The following CLK3 variants were observed in gnomAD, a reference collection of about 807,000 sequenced individuals.
CLK3 encodes dual specificity protein kinase CLK3.
Under a neutral mutation model 65.2 loss-of-function variants are expected in CLK3, and 24 were observed. The observed-to-expected ratio is 0.37, with a 90% confidence interval of 0.27 to 0.52. CLK3 has a LOEUF of 0.52. Among genes scored for constraint, CLK3 ranks in the 20% least tolerant of loss-of-function variants. The probability of loss-of-function intolerance (pLI) is 0.92; values close to 1 mark genes in which losing one functional copy is unlikely to be tolerated. For synonymous variants in CLK3, 252 were observed against 240.8 expected, an observed-to-expected ratio of 1.05 and a Z score of -0.43; for missense variants, 506 against 660.0, an observed-to-expected ratio of 0.77 and a Z score of 2.56.
At chr15:74,609,672 G>A (rs1243548365) in intron 1 of CLK3, among the ~76,000 whole-genome samples, 1 of 152,234 alleles carries the variant, frequency 6.6e-6, no homozygotes, top group Non-Finnish European at 1.5e-5. Flanking sequence ...CTCAGCTGCT[G>A]GCATGGAGAC....
At chr15:74,628,265 G>A (rs760549380) in intron 10 of CLK3, among the ~76,000 whole-genome samples, 7 of 152,328 alleles carry the variant, frequency 4.6e-5, no homozygotes, top group Non-Finnish European at 1.0e-4. Flanking sequence ...CTTATGCTAG[G>A]CCATCGAGGA....
At position 74,625,797 on chromosome 15, in the gene CLK3, TC is replaced by T. The variant is rs1555449006; in HGVS notation, c.651-3del. On this transcript the variant is annotated splice_region_variant and splice_polypyrimidine_tract_variant and intron_variant, in intron 6 of 12. Transcript: ENST00000395066. ...GCCTGAGCCCTGCCCATCCTCCTCC[TC>T]CAGCCTGTGTGTCTTGATGTCTGAC... 1 of 1,613,290 alleles carries T rather than the reference TC, an allele frequency of 6.2e-7. No individual in the cohort carries two copies. The highest frequency in any genetic ancestry group is 1.3e-5 in the African/African-American group (1 of 74,582).
chr15:74,625,156 C>T (rs2062133651), intron 6 of CLK3, 138 bp downstream of exon 6: 3 of 671,756 alleles, frequency 4.5e-6, no homozygotes, highest in East Asian at 2.6e-5. Context: ...AAAGGTCTTG[C>T]TGGAAGCCTT....
In CLK3 at chr15:74,625,849, G is replaced by A; in HGVS notation, c.698G>A (p.Cys233Tyr). The A allele has an allele frequency of 6.2e-7, 1 of 1,614,146 alleles. No individual in the cohort carries two copies. Among genetic ancestry groups the A allele is most frequent in the African/African-American group, 1.3e-5 (1 of 75,008 alleles). Residue 233 changes from cysteine (C) to tyrosine (Y), a missense_variant, in exon 7 of 13, where the codon TGC (cysteine) becomes TAC (tyrosine). Coordinates refer to ENST00000395066, the MANE Select transcript of CLK3 (RefSeq NM_001130028.2). ...SDWFNFHGHMCIAFELLGKNT... is the reference protein window; with the variant it reads ...SDWFNFHGHMYIAFELLGKNT... ...TGGTTCAACTTCCACGGTCACATGT[G>A]CATCGCCTTTGAGCTCCTGGGCAAG...
rs1160304260 is a variant in CLK3 at position 74,627,133 on chromosome 15, T to C, written c.818-219T>C. The stretch of plus-strand genomic sequence containing the variant: ...TTTTTCGAATGGCAAATTTCTTTCC[T>C]ACCCCCCTGCTAAAGTATCAGAACC... On this transcript the variant is annotated intron_variant, in intron 7 of 12. Transcript: ENST00000395066. The surrounding 1 kb of genome is among the most constrained non-coding windows in gnomAD (Gnocchi z 4.3). 18 of 658,800 alleles carry C rather than the reference T, an allele frequency of 2.7e-5. No homozygotes were observed. The highest frequency in any genetic ancestry group is 4.8e-5 in the Non-Finnish European group (17 of 356,466). 40.8% of individuals were successfully genotyped at this position (658,800 alleles called of 1,614,324 possible).
In CLK3 at chr15:74,621,687, T is replaced by C. The variant is rs1365083498; in HGVS notation, c.370-433T>C. The C allele has an allele frequency of 3.1e-6, 1 of 326,444 alleles. No individual in the cohort carries two copies. Among genetic ancestry groups the C allele is most frequent in the Non-Finnish European group, 6.1e-6 (1 of 164,458 alleles). The allele number at this position is 326,444 out of a possible 1,614,324, so 20.2% of individuals were successfully genotyped here. A position where few individuals can be genotyped will look rare whatever the true frequency, so the allele number is the denominator to read the frequency against. ...CAGCTGCCTTCTTGCGCCGCCGTTC[T>C]CACTGCATCTTCCGCTCTGGCCCAA... On this transcript the variant is annotated intron_variant, in intron 3 of 12. Coordinates refer to ENST00000395066, the MANE Select transcript of CLK3 (RefSeq NM_001130028.2). The surrounding 1 kb of genome is among the most constrained non-coding windows in gnomAD (Gnocchi z 4.8).
At chr15:74,615,192 C>T (rs1596284008), upstream of CLK3, 1 of 387,274 alleles carries the variant, frequency 2.6e-6, no homozygotes, top group East Asian at 3.7e-5. Flanking sequence ...CAGGAAGCCG[C>T]TCCACAGGAG....
upstream of CLK3, among the ~76,000 whole-genome samples, chr15:74,611,104 T>A (rs2061983944): frequency 6.6e-6 from 1 of 152,106 alleles, no homozygotes; most frequent in Non-Finnish European, 1.5e-5. Flanking sequence ...GGCCCTTCCT[T>A]CACCTCCAGC....
intron 3 of CLK3, chr15:74,620,790 C>T (rs2062095698): frequency 6.5e-6 from 1 of 153,398 alleles, no homozygotes; most frequent in Non-Finnish European, 1.5e-5. Context: ...GCCAGGCCCT[C>T]TCCAGCCGAG....
At chr15:74,618,979 CTGTT>C (rs769630089) in intron 1 of CLK3, 8 of 523,452 alleles carry the variant, frequency 1.5e-5, no homozygotes, top group East Asian at 3.4e-5. Context: ...CTGCTGGGAG[CTGTT>C]TGTTTGTTCA....
intron 12 of CLK3, 74 bp downstream of exon 12, chr15:74,629,106 G>C: frequency 8.7e-7 from 1 of 1,144,636 alleles, no homozygotes; most frequent in Non-Finnish European, 1.3e-6. Flanking sequence ...ATACAGCAGA[G>C]ACAGGCCAGG....
chr15:74,627,015 AG>A lies in CLK3; in HGVS notation c.818-334del, dbSNP rs1445958989. The A allele has an allele frequency of 2.1e-6, 1 of 487,508 alleles. No homozygotes were observed. Among genetic ancestry groups the A allele is most frequent in the Admixed American group, 2.3e-5 (1 of 43,436 alleles). The allele number at this position is 487,508 out of a possible 1,614,324, so 30.2% of individuals were successfully genotyped here. On this transcript the variant is annotated intron_variant, in intron 7 of 12. Coordinates refer to ENST00000395066, the MANE Select transcript of CLK3 (RefSeq NM_001130028.2). The surrounding 1 kb of genome is among the most constrained non-coding windows in gnomAD (Gnocchi z 4.3). ...GCCCTGCAAATTATGTAGCTGGTGC[AG>A]GGAAGAGGGAACCACCTCGAGGCTG...
Position 74,627,634 on chromosome 15 carries a change from C to T in CLK3, c.1008C>T (p.Ala336=). The T allele has an allele frequency of 1.2e-6, 2 of 1,614,032 alleles. No homozygotes were observed. The highest frequency in any genetic ancestry group is 1.7e-6 in the Non-Finnish European group (2 of 1,180,046). The change falls in exon 9 of 13, where the codon GCC becomes GCT. Residue 336 remains alanine, a synonymous_variant. Transcript: ENST00000395066. The surrounding 1 kb of genome is among the most constrained non-coding windows in gnomAD (Gnocchi z 4.3). ...FDHEHHTTIV[A]TRHYRPPEVI... is the part of the protein sequence containing the mutation. ...ATGAGCACCACACCACCATTGTGGCCACCCGTCACTATCGCCCGCCTGAGG... is the reference window on the plus strand; with the variant it reads ...ATGAGCACCACACCACCATTGTGGCTACCCGTCACTATCGCCCGCCTGAGG...
In CLK3 at chr15:74,619,211, G is replaced by C; in HGVS notation, c.15G>C (p.Lys5Asn). 1 of 1,614,154 alleles carries C rather than the reference G, an allele frequency of 6.2e-7. No homozygotes were observed. Among genetic ancestry groups the C allele is most frequent in the South Asian group, 1.1e-5 (1 of 91,086 alleles). ...TCGTGGCCTAGATGCATCACTGTAA[G>C]CGATACCGCTCCCCTGAACCAGACC... is the stretch of plus-strand genomic sequence containing the variant. MHHC[K>N]RYRSPEPDPY... is the part of the protein sequence containing the mutation. The change falls in exon 2 of 13, where the codon AAG (lysine) becomes AAC (asparagine). Residue 5 changes from lysine to asparagine, a missense_variant. Around this residue, in one of 2 missense-constraint regions of CLK3, gnomAD observed 181 missense variants for 159.4 expected, o/e 1.14. Coordinates refer to ENST00000395066, the MANE Select transcript of CLK3 (RefSeq NM_001130028.2).
chr15:74,626,132 C>G (rs1322387284), intron 7 of CLK3, among the ~76,000 whole-genome samples, 164 bp downstream of exon 7: 3 of 152,178 alleles, frequency 2.0e-5, no homozygotes, highest in Non-Finnish European at 2.9e-5. Context: ...GGGTGGGAAT[C>G]TCAGTGTGAG....
Position 74,624,594 on chromosome 15 carries a change from G to T in CLK3, c.534-308G>T. On this transcript the variant is annotated intron_variant, in intron 5 of 12. Transcript: ENST00000395066. The surrounding 1 kb of genome is among the most constrained non-coding windows in gnomAD (Gnocchi z 4.2). The stretch of plus-strand genomic sequence containing the variant: ...AGGTCACTGTGTGAGCTCTTGGACT[G>T]GCACTGGTTAAGCAGGATTGGCCTC... 1 of 409,998 alleles carries T rather than the reference G, an allele frequency of 2.4e-6. No individual in the cohort carries two copies. Among genetic ancestry groups the T allele is most frequent in the Non-Finnish European group, 4.5e-6 (1 of 220,338 alleles). The allele number at this position is 409,998 out of a possible 1,614,324, so 25.4% of individuals were successfully genotyped here. A position where few individuals can be genotyped will look rare whatever the true frequency, so the allele number is the denominator to read the frequency against.
chr15:74,622,413 G>T lies in CLK3; in HGVS notation c.467-81G>T. 8.4e-7 allele frequency: 1 copy of T among 1,195,948 alleles called. No individual in the cohort carries two copies. The highest frequency in any genetic ancestry group is 1.4e-5 in the South Asian group (1 of 72,684). The allele number at this position is 1,195,948 out of a possible 1,614,324, so 74.1% of individuals were successfully genotyped here. A position where few individuals can be genotyped will look rare whatever the true frequency, so the allele number is the denominator to read the frequency against. On this transcript the variant is annotated intron_variant, in intron 4 of 12. Transcript: ENST00000395066. The surrounding 1 kb of genome is among the most constrained non-coding windows in gnomAD (Gnocchi z 4.6). ...AGAGAGAAACCTTTTTTGTTTTTGAGAATTTGAATGCTGTGAACTTGCAGG... is the reference window on the plus strand; with the variant it reads ...AGAGAGAAACCTTTTTTGTTTTTGATAATTTGAATGCTGTGAACTTGCAGG...
Position 74,622,449 on chromosome 15 carries a change from C to T in CLK3, c.467-45C>T. ...CTGTGAACTTGCAGGAGCTGCCAAC[C>T]CCCTGCCCTCCAGATTCTCATGCCC... On this transcript the variant is annotated intron_variant, in intron 4 of 12. Coordinates refer to ENST00000395066, the MANE Select transcript of CLK3 (RefSeq NM_001130028.2). This position sits in a 1 kb window ranked among gnomAD's most constrained non-coding sequence, Gnocchi z 4.6. The T allele has an allele frequency of 2.0e-6, 3 of 1,472,406 alleles. No individual in the cohort carries two copies. Among genetic ancestry groups the T allele is most frequent in the Non-Finnish European group, 2.8e-6 (3 of 1,068,668 alleles). The allele number at this position is 1,472,406 out of a possible 1,614,324, so 91.2% of individuals were successfully genotyped here.
Position 74,622,636 on chromosome 15 carries a change from T to G in CLK3, c.533+76T>G. The G allele has an allele frequency of 3.3e-6, 4 of 1,204,724 alleles. No individual in the cohort carries two copies. Among genetic ancestry groups the G allele is most frequent in the Non-Finnish European group, 4.7e-6 (4 of 847,316 alleles). 74.6% of individuals were successfully genotyped at this position (1,204,724 alleles called of 1,614,324 possible). A position where few individuals can be genotyped will look rare whatever the true frequency, so the allele number is the denominator to read the frequency against. ...AGAGCTGGCCTGAGGTTCTTGAGGG[T>G]GGCAGCTATCAGAGCTTAACTTTTT... On this transcript the variant is annotated intron_variant, in intron 5 of 12. Transcript: ENST00000395066. This position sits in a 1 kb window ranked among gnomAD's most constrained non-coding sequence, Gnocchi z 4.6.
Sources: allele counts gnomAD v4.1 joint callset (sites outside exome capture counted in the v4.1 genomes callset), GRCh38; gene constraint gnomAD v4.1.1; regional missense constraint gnomAD v4.1.1; non-coding constraint Gnocchi (gnomAD v3.1); transcripts MANE v1.5; gene names NCBI Gene and HGNC (gene_info 2026-07-23, HGNC 2026-07-21).